ACAP2: variants seen among roughly 807,000 people sequenced by gnomAD.
The protein encoded by ACAP2 is ArfGAP with coiled-coil, ankyrin repeat and PH domains 2.
ACAP2 carries 39 observed loss-of-function variants against 115.8 expected under a neutral mutation model. That is an observed-to-expected ratio of 0.34 (90% CI 0.26 to 0.44). The LOEUF (loss-of-function observed/expected upper bound fraction) is 0.44, where lower values mean the gene tolerates loss of function less well. Among genes scored for constraint, ACAP2 ranks in the 20% least tolerant of loss-of-function variants. The probability of loss-of-function intolerance (pLI) is 1.00; values close to 1 mark genes in which losing one functional copy is unlikely to be tolerated. For missense variants in ACAP2, 662 were observed against 927.6 expected, an observed-to-expected ratio of 0.71 and a Z score of 3.72; for synonymous variants, 289 against 315.8, an observed-to-expected ratio of 0.92 and a Z score of 0.90.
chr3:195,304,163 CAAAAAAAAAAAAAA>C (rs56055597), intron 13 of ACAP2, among the ~76,000 whole-genome samples: 6 of 63,274 alleles, frequency 9.5e-5, no homozygotes, highest in South Asian at 8.1e-4. Context: ...GACTCCATCT[CAAAAAAAAAAAAAA>C]AAAAAAAAAA....
At chr3:195,394,465 C>A (rs1300073103) in intron 1 of ACAP2, among the ~76,000 whole-genome samples, 1 of 152,172 alleles carries the variant, frequency 6.6e-6, no homozygotes, top group African/African-American at 2.4e-5. Context: ...GTAACTTCTC[C>A]AATCTTATTT....
intron 15 of ACAP2, among the ~76,000 whole-genome samples, chr3:195,297,627 AT>A (rs1727742528): frequency 6.6e-6 from 1 of 152,110 alleles, no homozygotes; most frequent in Non-Finnish European, 1.5e-5. Flanking sequence ...ACAACAAAGC[AT>A]TATCTACACA....
intron 7 of ACAP2, among the ~76,000 whole-genome samples, chr3:195,335,116 A>T (rs892487763): frequency 6.6e-6 from 1 of 152,208 alleles, no homozygotes; most frequent in Non-Finnish European, 1.5e-5. Context: ...AAATTATATG[A>T]AATTCAAATT....
At chr3:195,399,698 G>A (rs1712107521) in intron 1 of ACAP2, among the ~76,000 whole-genome samples, 2 of 151,870 alleles carry the variant, frequency 1.3e-5, no homozygotes, top group Non-Finnish European at 2.9e-5. Flanking sequence ...AACCATCAGG[G>A]GCCATGGAGG....
rs6764918 is a variant in ACAP2, at chr3:195,320,574, G to A, written c.857+127C>T. The A allele has an allele frequency of 8.5e-3, 4,800 of 567,062 alleles. 187 individuals are homozygous for A. Among genetic ancestry groups the A allele is most frequent in the African/African-American group, 0.079 (4,253 of 54,074 alleles). 35.1% of individuals were successfully genotyped at this position (567,062 alleles called of 1,614,324 possible). A position where few individuals can be genotyped will look rare whatever the true frequency, so the allele number is the denominator to read the frequency against. On this transcript the variant is annotated intron_variant, in intron 10 of 22. Transcript: ENST00000326793. ...AGGGCATCTATCTTCAATAGACTGG[G>A]TTCAGGAAAGTTTCTATGGAATTTA...
rs112047485 is a variant in ACAP2, at chr3:195,427,436, C to CT, written c.53+15358dup. On this transcript the variant is annotated intron_variant, in intron 1 of 22. Coordinates refer to ENST00000326793, the MANE Select transcript of ACAP2 (RefSeq NM_012287.6). ...AAGGTGATACCTTCTCGGAGGTGCACTGTTAGATGACTTCTTCACTGGGCA... is the reference window on the plus strand; with the variant it reads ...AAGGTGATACCTTCTCGGAGGTGCACTTGTTAGATGACTTCTTCACTGGGCA... 4.6e-3 allele frequency among the ~76,000 whole-genome samples: 707 copies of CT among 152,180 alleles called. 5 individuals are homozygous for CT. The highest frequency in any genetic ancestry group is 0.016 in the African/African-American group (667 of 41,510).
intron 2 of ACAP2, among the ~76,000 whole-genome samples, chr3:195,386,162 T>C (rs1406834552): frequency 1.3e-5 from 2 of 152,196 alleles, no homozygotes; most frequent in Non-Finnish European, 2.9e-5. Context: ...TATTATTCCA[T>C]TTATTTGAAA....
intron 4 of ACAP2, chr3:195,357,703 A>G (rs1013624623): frequency 6.6e-6 from 1 of 152,274 alleles, no homozygotes; most frequent in African/African-American, 2.4e-5. Flanking sequence ...GGTAATCCAG[A>G]GAATTCTTCC....
intron 4 of ACAP2, among the ~76,000 whole-genome samples, chr3:195,363,644 CACAA>C (rs111554991): frequency 0.23 from 34,377 of 150,230 alleles, 4,446 homozygotes; most frequent in East Asian, 0.69. Context: ...CACACACACA[CACAA>C]AAACAGAATA....
chr3:195,332,753 A>C lies in ACAP2; in HGVS notation c.669+275T>G, dbSNP rs572023336. Among the ~76,000 whole-genome samples the C allele has an allele frequency of 1.9e-3, 290 of 152,290 alleles. 1 individual carries two copies. The highest frequency in any genetic ancestry group is 3.4e-3 in the Non-Finnish European group (230 of 68,022). ...TCTGATGGTTTTATAAGTGTTTGGT[A>C]GTTTCTCCTGCGTTCATTCTCCCCT... On this transcript the variant is annotated intron_variant, in intron 8 of 22. Coordinates refer to ENST00000326793, the MANE Select transcript of ACAP2 (RefSeq NM_012287.6).
At chr3:195,354,175 T>A (rs539558203) in intron 4 of ACAP2, among the ~76,000 whole-genome samples, 16 of 152,364 alleles carry the variant, frequency 1.1e-4, no homozygotes, top group South Asian at 8.3e-4. Flanking sequence ...CATGATCTCA[T>A]TCTTTTTTAT....
chr3:195,336,336 CG>C, intron 7 of ACAP2: 1 of 151,828 alleles, frequency 6.6e-6, no homozygotes, highest in Middle Eastern at 3.4e-3. Flanking sequence ...TAACTGCATA[CG>C]GAAGAACAAA....
intron 4 of ACAP2, among the ~76,000 whole-genome samples, chr3:195,353,163 T>G (rs1731727605): frequency 6.6e-6 from 1 of 151,704 alleles, no homozygotes; most frequent in Non-Finnish European, 1.5e-5. Flanking sequence ...TAACCAGATT[T>G]CATGTCATAA....
At chr3:195,335,353 T>G (rs1035345849) in intron 7 of ACAP2, among the ~76,000 whole-genome samples, 3 of 152,190 alleles carry the variant, frequency 2.0e-5, no homozygotes, top group African/African-American at 4.8e-5. Flanking sequence ...AAATAAAGGA[T>G]ATTTAATGAC....
chr3:195,399,977 G>A lies in ACAP2; in HGVS notation c.54-7830C>T, dbSNP rs543978331. Among the ~76,000 whole-genome samples, 12 of 151,890 alleles carry A rather than the reference G, an allele frequency of 7.9e-5. No homozygotes were observed. In the East Asian group the frequency reaches 1.7e-3, roughly 22 times the overall value. On this transcript the variant is annotated intron_variant, in intron 1 of 22. Transcript: ENST00000326793. The stretch of plus-strand genomic sequence containing the variant: ...GAGGATCACCTGAGGTTGGGAGTTC[G>A]AGAGCAGCCTGACCAACATGATGAA...
intron 4 of ACAP2, among the ~76,000 whole-genome samples, chr3:195,350,740 T>C (rs554894641): frequency 2.0e-5 from 3 of 152,080 alleles, no homozygotes; most frequent in African/African-American, 7.2e-5. Flanking sequence ...TTATTTTTTT[T>C]ACAAAAGGTG....
At chr3:195,426,113 T>C (rs959437378) in intron 1 of ACAP2, among the ~76,000 whole-genome samples, 2 of 152,200 alleles carry the variant, frequency 1.3e-5, no homozygotes, top group African/African-American at 4.8e-5. Context: ...CTTGCCTACC[T>C]CTGATCTTAA....
intron 4 of ACAP2, among the ~76,000 whole-genome samples, chr3:195,374,465 AT>A (rs1441691580): frequency 1.3e-5 from 2 of 152,240 alleles, no homozygotes; most frequent in African/African-American, 4.8e-5. Flanking sequence ...GAGCACTTCC[AT>A]TTTATGAATG....
intron 20 of ACAP2, among the ~76,000 whole-genome samples, chr3:195,291,163 T>C (rs145366483): frequency 4.2e-4 from 64 of 152,352 alleles, no homozygotes; most frequent in African/African-American, 1.5e-3. Context: ...TTTTCTTTCA[T>C]GTATACTTCC....
Sources: allele counts gnomAD v4.1 joint callset (sites outside exome capture counted in the v4.1 genomes callset), GRCh38; gene constraint gnomAD v4.1.1; transcripts MANE v1.5; gene names NCBI Gene and HGNC (gene_info 2026-07-23, HGNC 2026-07-21).